Variants in GABBR2 observed in about 807,000 individuals in gnomAD.
GABBR2 encodes the protein gamma-aminobutyric acid type B receptor subunit 2, also known as G-protein coupled receptor 51.
In GABBR2, 23 loss-of-function variants were observed where a neutral mutation model predicts 105.6. That is an observed-to-expected ratio of 0.22 (90% CI 0.16 to 0.31). The LOEUF is 0.31. Ranked by LOEUF, GABBR2 falls within the 10% of genes least tolerant of loss-of-function variation. The probability of loss-of-function intolerance (pLI) is 1.00; values close to 1 mark genes in which losing one functional copy is unlikely to be tolerated. For synonymous variants in GABBR2, 478 were observed against 499.7 expected (o/e 0.96, Z 0.58); for missense variants, 734 against 1,245.5 (o/e 0.59, Z 6.18).
chr9:98,635,523 C>G (rs185105704), intron 1 of GABBR2, among the ~76,000 whole-genome samples: 1 of 152,322 alleles, frequency 6.6e-6, no homozygotes, highest in Admixed American at 6.5e-5. Context: ...CAGCATGACT[C>G]ATTTACCTGT....
intron 15 of GABBR2, among the ~76,000 whole-genome samples, chr9:98,304,452 G>A (rs189027077): frequency 4.6e-5 from 7 of 152,320 alleles, no homozygotes; most frequent in African/African-American, 1.7e-4. Context: ...GCAGAGTGCC[G>A]CAATTGAAGC....
chr9:98,696,174 A>G (rs1360911573), intron 1 of GABBR2, among the ~76,000 whole-genome samples: 1 of 152,258 alleles, frequency 6.6e-6, no homozygotes, highest in Non-Finnish European at 1.5e-5. Flanking sequence ...GGGAGGACAG[A>G]GAATGCACAC....
chr9:98,356,473 C>T (rs917027743), intron 13 of GABBR2, among the ~76,000 whole-genome samples: 1 of 152,148 alleles, frequency 6.6e-6, no homozygotes, highest in Non-Finnish European at 1.5e-5. Flanking sequence ...CAAGCACACA[C>T]CTATTAGAAT....
At chr9:98,328,893 T>C (rs1830973699) in intron 13 of GABBR2, among the ~76,000 whole-genome samples, 1 of 152,174 alleles carries the variant, frequency 6.6e-6, no homozygotes. Context: ...GGTGCCAGCT[T>C]TGGAGCCAGG....
chr9:98,427,027 G>A (rs1326806828), intron 7 of GABBR2, among the ~76,000 whole-genome samples: 2 of 152,120 alleles, frequency 1.3e-5, no homozygotes, highest in Non-Finnish European at 1.5e-5. Flanking sequence ...AAAAGAGACA[G>A]GTGTTAGCAA....
chr9:98,628,894 A>G (rs1327143493), intron 1 of GABBR2, among the ~76,000 whole-genome samples: 2 of 152,090 alleles, frequency 1.3e-5, no homozygotes, highest in Non-Finnish European at 2.9e-5. Flanking sequence ...CTACCCCTAC[A>G]GGGGCTGCAG....
chr9:98,525,187 T>C (rs565488337), intron 3 of GABBR2, among the ~76,000 whole-genome samples: 1 of 151,530 alleles, frequency 6.6e-6, no homozygotes, highest in Non-Finnish European at 1.5e-5. Context: ...TAAAAACTTT[T>C]GTGCAAAAAA....
intron 1 of GABBR2, among the ~76,000 whole-genome samples, chr9:98,644,809 G>A (rs185924942): frequency 3.3e-5 from 5 of 152,206 alleles, no homozygotes; most frequent in African/African-American, 1.2e-4. Flanking sequence ...TCCAACCTGG[G>A]TGACAGAGCA....
rs995828493 is a variant in GABBR2, at chr9:98,296,797, G to A, written c.2542+2427C>T. Among the ~76,000 whole-genome samples the A allele has an allele frequency of 2.0e-5, 3 of 151,926 alleles. No homozygotes were observed. The South Asian group carries it at 6.2e-4, about 32-fold the overall frequency. ...ACACATCATTTCTCCTTATATATAAGGGCATAAGCTTGTTATCTGAGTTAA... is the reference window on the plus strand; with the variant it reads ...ACACATCATTTCTCCTTATATATAAAGGCATAAGCTTGTTATCTGAGTTAA... On this transcript the variant is annotated intron_variant, in intron 17 of 18. Transcript: ENST00000259455.
chr9:98,591,438 C>A (rs1448251953), intron 1 of GABBR2, among the ~76,000 whole-genome samples: 2 of 152,206 alleles, frequency 1.3e-5, no homozygotes, highest in Non-Finnish European at 2.9e-5. Flanking sequence ...GTCACTGCAG[C>A]ACTTTCACCA....
At chr9:98,533,638 T>C (rs10986584) in intron 3 of GABBR2, among the ~76,000 whole-genome samples, 17,299 of 152,100 alleles carry the variant, frequency 0.11, 1,669 homozygotes, top group East Asian at 0.5. Context: ...TCATCCCCCA[T>C]CCAGTGACAG....
At chr9:98,424,421 C>G (rs971458780) in intron 7 of GABBR2, among the ~76,000 whole-genome samples, 18 of 151,936 alleles carry the variant, frequency 1.2e-4, no homozygotes, top group African/African-American at 4.3e-4. Flanking sequence ...AAAACGGGCA[C>G]AAGACAGGGA....
chr9:98,359,446 A>G (rs879311384), intron 13 of GABBR2, among the ~76,000 whole-genome samples: 2 of 152,142 alleles, frequency 1.3e-5, no homozygotes, highest in Non-Finnish European at 2.9e-5. Context: ...AATAAAATAA[A>G]ATAAAATAAA....
chr9:98,416,465 A>C (rs1293838715), intron 7 of GABBR2, among the ~76,000 whole-genome samples: 3 of 152,214 alleles, frequency 2.0e-5, no homozygotes, highest in Non-Finnish European at 4.4e-5. Flanking sequence ...CACAAGCCAC[A>C]TCTCCCAGAC....
chr9:98,295,531 AT>A (rs1830366402), intron 17 of GABBR2, among the ~76,000 whole-genome samples: 1 of 142,212 alleles, frequency 7.0e-6, no homozygotes, highest in African/African-American at 2.8e-5. Context: ...ATTAAATGAG[AT>A]GTCTTTTTTT....
At position 98,290,738 on chromosome 9, in the gene GABBR2, C is replaced by A; in HGVS notation, c.2672G>T (p.Arg891Leu). Residue 891 changes from arginine to leucine, a missense_variant, in exon 19 of 19, where the codon CGG becomes CTG. This residue lies in a region of GABBR2 where 134 missense variants were observed against 171.2 expected (regional missense o/e 0.78). Transcript: ENST00000259455. Reference sequence around the variant, plus strand: ...GAGGATGGGGAGCTGGAGGGACAGCCGACGCTGGATGCTGAAGAGAAGGAG... The same window carrying A: ...GAGGATGGGGAGCTGGAGGGACAGCAGACGCTGGATGCTGAAGAGAAGGAG... ...DINSPEHIQRRLSLQLPILHH... is the reference protein window; with the variant it reads ...DINSPEHIQRLLSLQLPILHH... The A allele has an allele frequency of 1.3e-6, 2 of 1,484,752 alleles. No homozygotes were observed. The highest frequency in any genetic ancestry group is 1.8e-6 in the Non-Finnish European group (2 of 1,128,438). 92.0% of individuals were successfully genotyped at this position (1,484,752 alleles called of 1,614,324 possible).
intron 11 of GABBR2, among the ~76,000 whole-genome samples, chr9:98,377,921 C>A (rs1261276249): frequency 3.9e-5 from 6 of 152,164 alleles, no homozygotes; most frequent in Admixed American, 2.0e-4. Flanking sequence ...ACCACCAAAC[C>A]CTGTGGGTAT....
chr9:98,503,376 C>T (rs1827443889), intron 3 of GABBR2, among the ~76,000 whole-genome samples: 1 of 152,108 alleles, frequency 6.6e-6, no homozygotes, highest in Non-Finnish European at 1.5e-5. Flanking sequence ...GATCAGGTCT[C>T]GGCCCTAAGC....
chr9:98,434,477 G>A (rs1452943321), intron 7 of GABBR2, among the ~76,000 whole-genome samples: 1 of 152,202 alleles, frequency 6.6e-6, no homozygotes, highest in Non-Finnish European at 1.5e-5. Context: ...GAAGAAGGAA[G>A]CTCTGATTTG....
Sources: gnomAD v4.1 joint callset for allele counts (sites outside exome capture counted in the v4.1 genomes callset) on GRCh38, gnomAD v4.1.1 for gene constraint, gnomAD v4.1.1 regional missense constraint, MANE v1.5 for transcripts, NCBI Gene and HGNC (gene_info 2026-07-23, HGNC 2026-07-21) for gene names.